NOTCH2: variants seen among roughly 807,000 people sequenced by gnomAD.
The protein encoded by NOTCH2 is notch receptor 2.
Under a neutral mutation model 235.8 loss-of-function variants are expected in NOTCH2, and 29 were observed. That is an observed-to-expected ratio of 0.12 (90% CI 0.09 to 0.17). The LOEUF (loss-of-function observed/expected upper bound fraction) is 0.17. NOTCH2 is among the 10% of genes least tolerant of loss of function. The pLI is 1.00. For synonymous variants in NOTCH2, 1,086 were observed against 1,141.5 expected, an observed-to-expected ratio of 0.95 and a Z score of 0.98; for missense variants, 2,285 against 3,150.2, an observed-to-expected ratio of 0.73 and a Z score of 6.57.
intron 33 of NOTCH2, 64 bp downstream of exon 33, chr1:119,917,601 G>T: frequency 1.9e-6 from 2 of 1,052,878 alleles, no homozygotes; most frequent in South Asian, 2.5e-5. Flanking sequence ...AGGAGAAACG[G>T]GAATGGGCTT....
intron 31 of NOTCH2, 147 bp downstream of exon 31, chr1:119,919,165 T>C: frequency 1.1e-6 from 1 of 912,580 alleles, no homozygotes; most frequent in Non-Finnish European, 1.7e-6. Flanking sequence ...TTTTCCCACT[T>C]TCCCATCTAC....
At chr1:119,996,842 C>A (rs781989039) in intron 4 of NOTCH2, 155 bp downstream of exon 4, 1 of 813,346 alleles carries the variant, frequency 1.2e-6, no homozygotes, top group Non-Finnish European at 2.1e-6. Flanking sequence ...CCACAGTGGG[C>A]CCATAAAACT....
intron 12 of NOTCH2, 21 bp downstream of exon 12, chr1:119,959,371 T>C (rs1650851000): frequency 7.8e-7 from 1 of 1,282,754 alleles, no homozygotes; most frequent in Non-Finnish European, 1.1e-6. Flanking sequence ...AGGAGGGGCC[T>C]TGCAGTAAAA....
chr1:119,923,563 T>C, intron 26 of NOTCH2, 74 bp downstream of exon 26: 1 of 1,280,106 alleles, frequency 7.8e-7, no homozygotes, highest in Non-Finnish European at 1.1e-6. Context: ...ATAGGTTGAG[T>C]TATGACTTGT....
chr1:119,935,182 C>T (rs191431654), intron 22 of NOTCH2: 1 of 1,253,834 alleles, frequency 8.0e-7, no homozygotes, highest in Non-Finnish European at 1.0e-6. Context: ...TCTTACTGAC[C>T]AGGCTAATTT....
At position 119,915,667 on chromosome 1, in the gene NOTCH2, G is replaced by A; in HGVS notation, c.7055C>T (p.Ala2352Val). The A allele has an allele frequency of 6.2e-7, 1 of 1,613,774 alleles. No individual in the cohort carries two copies. The highest frequency in any genetic ancestry group is 8.5e-7 in the Non-Finnish European group (1 of 1,179,830). The change falls in exon 34 of 34, where the codon GCT becomes GTT. Residue 2352 changes from alanine to valine, a missense_variant. Ala to Val is a moderately conservative substitution (Grantham distance 64). Coordinates refer to ENST00000256646, the MANE Select transcript of NOTCH2 (RefSeq NM_024408.4). ...CTGGGGCATCATGGCAGTGGGGAAAGCCACACTGGGCAAACGGGCCATTTC... is the reference window on the plus strand; with the variant it reads ...CTGGGGCATCATGGCAGTGGGGAAAACCACACTGGGCAAACGGGCCATTTC... ...IPEMARLPSV[A>V]FPTAMMPQQD...
rs587763050 is a variant in NOTCH2, at chr1:119,981,262, C to T, written c.874+5698G>A. Among the ~76,000 whole-genome samples, 93 of 152,300 alleles carry T rather than the reference C, an allele frequency of 6.1e-4. 1 individual carries two copies. The highest frequency in any genetic ancestry group is 6.8e-3 in the Middle Eastern group (2 of 294). On this transcript the variant is annotated intron_variant, in intron 5 of 33. Transcript: ENST00000256646. The stretch of plus-strand genomic sequence containing the variant: ...CCTTACCCCACCAAGTACTTAGATG[C>T]TTCCCCATTCCCACCATTGTTTCTT...
At chr1:119,947,148 T>C (rs1393082326) in intron 17 of NOTCH2, among the ~76,000 whole-genome samples, 1 of 152,126 alleles carries the variant, frequency 6.6e-6, no homozygotes, top group African/African-American at 2.4e-5. Flanking sequence ...ACAAGATACA[T>C]GAAGCATGAA....
intron 5 of NOTCH2, among the ~76,000 whole-genome samples, chr1:119,972,353 A>G (rs1259174646): frequency 6.6e-6 from 1 of 152,182 alleles, no homozygotes; most frequent in African/African-American, 2.4e-5. Context: ...ATGACCAAGA[A>G]GTAGGTGAAG....
At chr1:119,950,464 C>T in intron 15 of NOTCH2, 1 of 608,556 alleles carries the variant, frequency 1.6e-6, no homozygotes, top group Non-Finnish European at 3.1e-6. Flanking sequence ...TGCCTGGTTC[C>T]AGCCACATAC....
At position 119,920,413 on chromosome 1, in the gene NOTCH2, A is replaced by G; in HGVS notation, c.5311-16T>C. 1.2e-6 allele frequency: 2 copies of G among 1,614,010 alleles called. No homozygotes were observed. Among genetic ancestry groups the G allele is most frequent in the Non-Finnish European group, 1.7e-6 (2 of 1,179,964 alleles). ...CATCTTCAGCCTGAAAGGTGAAAAC[A>G]ATGCTCCCTATCAATCTGGCCACCA... On this transcript the variant is annotated splice_polypyrimidine_tract_variant and intron_variant, in intron 29 of 33. Coordinates refer to ENST00000256646, the MANE Select transcript of NOTCH2 (RefSeq NM_024408.4).
intron 1 of NOTCH2, among the ~76,000 whole-genome samples, chr1:120,066,001 A>G (rs1553217014): frequency 1.3e-5 from 2 of 151,578 alleles, no homozygotes; most frequent in South Asian, 2.1e-4. Context: ...AACAACATGT[A>G]TGAATGACAT....
At chr1:119,980,859 G>A (rs1231455412) in intron 5 of NOTCH2, among the ~76,000 whole-genome samples, 2 of 152,156 alleles carry the variant, frequency 1.3e-5, no homozygotes, top group Non-Finnish European at 2.9e-5. Flanking sequence ...TTCTAAGGCT[G>A]TACCCTTTAA....
At chr1:119,916,922 T>C (rs1649101141) in intron 33 of NOTCH2, among the ~76,000 whole-genome samples, 1 of 152,178 alleles carries the variant, frequency 6.6e-6, no homozygotes, top group Admixed American at 6.5e-5. Flanking sequence ...AAAAAAACAA[T>C]TTTGCCCCTT....
At chr1:120,013,841 C>G (rs1208127282) in intron 2 of NOTCH2, among the ~76,000 whole-genome samples, 1 of 151,096 alleles carries the variant, frequency 6.6e-6, no homozygotes, top group Non-Finnish European at 1.5e-5. Flanking sequence ...AAATAGCTGT[C>G]TTCTTGAGAT....
At chr1:119,919,683 T>C (rs993683041) in intron 30 of NOTCH2, 70 bp from the exon 31 acceptor site, 3 of 1,435,860 alleles carry the variant, frequency 2.1e-6, no homozygotes, top group Admixed American at 3.8e-5. Flanking sequence ...TTGAAACAGC[T>C]CTATTTGACT....
intron 2 of NOTCH2, among the ~76,000 whole-genome samples, chr1:120,029,129 T>C (rs1347992515): frequency 6.7e-6 from 1 of 149,118 alleles, no homozygotes; most frequent in Non-Finnish European, 1.5e-5. Flanking sequence ...TCTACACACA[T>C]GCACACATCT....
rs1454448738 is a variant in NOTCH2 at position 119,914,424 on chromosome 1, A to G, written c.*882T>C. 4.3e-6 allele frequency: 1 copy of G among 233,104 alleles called. No homozygotes were observed. The highest frequency in any genetic ancestry group is 8.5e-6 in the Non-Finnish European group (1 of 118,060). The allele number at this position is 233,104 out of a possible 1,614,324, so 14.4% of individuals were successfully genotyped here. A position where few individuals can be genotyped will look rare whatever the true frequency, so the allele number is the denominator to read the frequency against. ...TAGACTATCAAGGATAAAACTTTAC[A>G]CTGACCAGGCCCATACACAGAAAAA... On this transcript the variant is annotated 3_prime_UTR_variant, in exon 34 of 34. Coordinates refer to ENST00000256646, the MANE Select transcript of NOTCH2 (RefSeq NM_024408.4).
intron 12 of NOTCH2, 121 bp from the exon 13 acceptor site, chr1:119,955,353 C>A: frequency 2.1e-6 from 2 of 940,984 alleles, no homozygotes; most frequent in Non-Finnish European, 1.7e-6. Flanking sequence ...CTTGAGGCAC[C>A]AAATGTCAAG....
Sources: gnomAD v4.1 joint callset for allele counts (sites outside exome capture counted in the v4.1 genomes callset) on GRCh38, gnomAD v4.1.1 for gene constraint, MANE v1.5 for transcripts, NCBI Gene and HGNC (gene_info 2026-07-23, HGNC 2026-07-21) for gene names.